BORCS5: variants seen among roughly 807,000 people sequenced by gnomAD.
BORCS5 encodes the protein BLOC-1-related complex subunit 5.
BORCS5 carries 17 observed loss-of-function variants against 22.1 expected under a neutral mutation model. The ratio of observed to expected loss-of-function variants is 0.77; its 90% CI spans 0.53 to 1.15. BORCS5 has a LOEUF of 1.15. Ranked by LOEUF, BORCS5 falls within the 50% of genes most tolerant of loss-of-function variation. BORCS5 has a pLI of 0.00. For missense variants in BORCS5, 247 were observed against 253.2 expected (o/e 0.98, Z 0.17); for synonymous variants, 117 against 99.8 (o/e 1.17, Z -1.03).
chr12:12,422,458 T>G (rs1311513973), intron 2 of BORCS5, among the ~76,000 whole-genome samples: 1 of 151,902 alleles, frequency 6.6e-6, no homozygotes, highest in Non-Finnish European at 1.5e-5. Flanking sequence ...TACTAAAAAT[T>G]CAAAAATTAG....
At chr12:12,436,694 A>G (rs1372554253) in intron 3 of BORCS5, among the ~76,000 whole-genome samples, 3 of 152,342 alleles carry the variant, frequency 2.0e-5, no homozygotes, top group African/African-American at 7.2e-5. Flanking sequence ...CAGATTAACA[A>G]TTTGTATTTA....
intron 2 of BORCS5, among the ~76,000 whole-genome samples, chr12:12,405,337 C>G (rs1281917117): frequency 1.3e-5 from 2 of 152,184 alleles, no homozygotes; most frequent in Non-Finnish European, 1.5e-5. Flanking sequence ...ATCATTGACA[C>G]TAGAATTTTA....
At chr12:12,365,277 C>T (rs1863380762) in intron 2 of BORCS5, among the ~76,000 whole-genome samples, 3 of 152,078 alleles carry the variant, frequency 2.0e-5, no homozygotes, top group East Asian at 1.9e-4. Flanking sequence ...TCAAGCGATC[C>T]ACCCATCTCA....
At chr12:12,445,722 C>T (rs777783184) in intron 3 of BORCS5, among the ~76,000 whole-genome samples, 3 of 151,322 alleles carry the variant, frequency 2.0e-5, no homozygotes, top group Non-Finnish European at 2.9e-5. Flanking sequence ...CAGCCTCAAA[C>T]TCCTAGGCTC....
At chr12:12,445,870 C>T (rs1942779036) in intron 3 of BORCS5, among the ~76,000 whole-genome samples, 1 of 151,144 alleles carries the variant, frequency 6.6e-6, no homozygotes, top group Non-Finnish European at 1.5e-5. Context: ...CCTTGAACTC[C>T]TGGCCTCAAG....
At chr12:12,402,046 A>AGG (rs1491462544) in intron 2 of BORCS5, among the ~76,000 whole-genome samples, 2 of 148,840 alleles carry the variant, frequency 1.3e-5, no homozygotes, top group Non-Finnish European at 3.0e-5. Flanking sequence ...AGCCTGGGCT[A>AGG]CAGAGCGAGA....
chr12:12,455,355 C>T (rs953703708), intron 3 of BORCS5, among the ~76,000 whole-genome samples: 6 of 152,102 alleles, frequency 3.9e-5, no homozygotes, highest in African/African-American at 1.2e-4. Flanking sequence ...AAATGTAGAA[C>T]GAGTGCAGAG....
intron 3 of BORCS5, among the ~76,000 whole-genome samples, chr12:12,442,628 A>G (rs1211857111): frequency 6.6e-6 from 1 of 152,208 alleles, no homozygotes; most frequent in Non-Finnish European, 1.5e-5. Context: ...TCATTGTGCA[A>G]ATAAAGAAAC....
chr12:12,416,973 T>C (rs1941979942), intron 2 of BORCS5, among the ~76,000 whole-genome samples: 1 of 150,662 alleles, frequency 6.6e-6, no homozygotes. Context: ...TTTTTTTTAG[T>C]AGAGGTGGTG....
intron 1 of BORCS5, among the ~76,000 whole-genome samples, chr12:12,359,569 C>A (rs113839591): frequency 0.017 from 2,624 of 151,774 alleles, 62 homozygotes; most frequent in African/African-American, 0.059. Flanking sequence ...ACCATGTTGG[C>A]CAGGCTGATC....
chr12:12,410,466 C>T (rs1356490284), intron 2 of BORCS5, among the ~76,000 whole-genome samples: 1 of 152,154 alleles, frequency 6.6e-6, no homozygotes, highest in Non-Finnish European at 1.5e-5. Context: ...TTTCCCAGCA[C>T]CATTTATTAA....
chr12:12,415,138 A>C (rs1941899858), intron 2 of BORCS5, among the ~76,000 whole-genome samples: 2 of 151,690 alleles, frequency 1.3e-5, no homozygotes, highest in Non-Finnish European at 2.9e-5. Flanking sequence ...CTCACTTCCC[A>C]GACGGGGTGG....
intron 2 of BORCS5, among the ~76,000 whole-genome samples, chr12:12,368,661 TCTCAAGCCCTGGG>T (rs1396213395): frequency 2.0e-5 from 3 of 151,428 alleles, no homozygotes; most frequent in African/African-American, 7.3e-5. Context: ...TCCAAGCTGG[TCTCAAGCCCTGGG>T]CTCAAGCAGA....
In BORCS5 at chr12:12,452,166, A is replaced by G. The variant is rs146049036; in HGVS notation, c.361-13380A>G. The G allele has an allele frequency of 1.6e-5, 9 of 574,660 alleles. No individual in the cohort carries two copies. The East Asian group carries it at 4.1e-4, about 26-fold the overall frequency. The allele number at this position is 574,660 out of a possible 1,614,324, so 35.6% of individuals were successfully genotyped here. On this transcript the variant is annotated intron_variant, in intron 3 of 3. Transcript: ENST00000314565. The stretch of plus-strand genomic sequence containing the variant: ...GTCACCAATGTTAATATTTCTTGGG[A>G]TCTCAGGAAGATTCACATTTTTTAC...
At chr12:12,402,592 G>C (rs1292219576) in intron 2 of BORCS5, among the ~76,000 whole-genome samples, 1 of 152,158 alleles carries the variant, frequency 6.6e-6, no homozygotes, top group African/African-American at 2.4e-5. Context: ...ACCTTGACTT[G>C]CTCAACATCT....
chr12:12,365,042 C>T (rs181075709), intron 2 of BORCS5, among the ~76,000 whole-genome samples: 18 of 152,292 alleles, frequency 1.2e-4, no homozygotes, highest in Non-Finnish European at 4.4e-5. Flanking sequence ...GCAACTGGAC[C>T]TGGTTGCATT....
At chr12:12,440,584 C>A (rs1456314402) in intron 3 of BORCS5, among the ~76,000 whole-genome samples, 1 of 135,676 alleles carries the variant, frequency 7.4e-6, no homozygotes, top group East Asian at 2.3e-4. Context: ...CTGGAGCAGA[C>A]GGGGTTTAAG....
At chr12:12,455,987 A>T (rs1453166071) in intron 3 of BORCS5, among the ~76,000 whole-genome samples, 1 of 152,202 alleles carries the variant, frequency 6.6e-6, no homozygotes, top group Non-Finnish European at 1.5e-5. Flanking sequence ...CATTTCATGC[A>T]TATCTACATC....
At chr12:12,359,393 T>C (rs1288137037) in intron 1 of BORCS5, among the ~76,000 whole-genome samples, 1 of 143,862 alleles carries the variant, frequency 7.0e-6, no homozygotes, top group African/African-American at 2.6e-5. Flanking sequence ...TGAGACAGTC[T>C]CACTGTCACC....
Sources: gnomAD v4.1 joint callset for allele counts (sites outside exome capture counted in the v4.1 genomes callset) on GRCh38, gnomAD v4.1.1 for gene constraint, MANE v1.5 for transcripts, NCBI Gene and HGNC (gene_info 2026-07-23, HGNC 2026-07-21) for gene names.